BEGAIN: variants seen among roughly 807,000 people sequenced by gnomAD.
BEGAIN encodes brain-enriched guanylate kinase-associated protein.
BEGAIN carries 19 observed loss-of-function variants against 35.8 expected under a neutral mutation model. The ratio of observed to expected loss-of-function variants is 0.53; its 90% CI spans 0.37 to 0.78. The LOEUF is 0.78. Ranked by LOEUF, BEGAIN falls within the 30% of genes least tolerant of loss-of-function variation. The pLI is 0.00. For missense variants in BEGAIN, 795 were observed against 853.6 expected, an observed-to-expected ratio of 0.93 and a Z score of 0.85; for synonymous variants, 462 against 388.6, an observed-to-expected ratio of 1.19 and a Z score of -2.22.
chr14:100,540,226 A>G (rs2031384750), intron 6 of BEGAIN: 1 of 511,072 alleles, frequency 2.0e-6, no homozygotes, highest in Non-Finnish European at 3.5e-6. Flanking sequence ...GACCTGGAGC[A>G]GCCCCCCAAA....
chr14:100,546,878 C>T (rs2032593623), intron 2 of BEGAIN: 1 of 444,512 alleles, frequency 2.2e-6, no homozygotes, highest in Non-Finnish European at 4.0e-6. Flanking sequence ...GGGACTCTGA[C>T]CCTGAGCCAG....
chr14:100,561,193 C>T lies in BEGAIN; in HGVS notation c.71+6718G>A, dbSNP rs140674003. Among the ~76,000 whole-genome samples the T allele has an allele frequency of 4.3e-3, 656 of 152,284 alleles. 3 individuals are homozygous for T. Among genetic ancestry groups the T allele is most frequent in the African/African-American group, 0.015 (637 of 41,556 alleles). On this transcript the variant is annotated intron_variant, in intron 2 of 6. Coordinates refer to ENST00000554140, the MANE Select transcript of BEGAIN (RefSeq NM_001385089.1). ...GCCTAGGGTGCGGAAGAGCTGGCCC[C>T]GCCCCCAGCTCAGAGACCCTCAGAG...
In BEGAIN at chr14:100,540,606, G is replaced by A. The variant is rs537422046; in HGVS notation, c.409-27C>T. 1.3e-5 allele frequency: 20 copies of A among 1,553,736 alleles called. No homozygotes were observed. The African/African-American group carries it at 1.9e-4, about 15-fold the overall frequency. Reference sequence around the variant, plus strand: ...TAAAAGACAAGAGAAGGCGTTTGGCGCCATTCACCCCAGCCAAGGCCCCGC... The same window carrying A: ...TAAAAGACAAGAGAAGGCGTTTGGCACCATTCACCCCAGCCAAGGCCCCGC... On this transcript the variant is annotated intron_variant, in intron 5 of 6. Transcript: ENST00000554140.
rs143679844 is a variant in BEGAIN, at chr14:100,571,346, G to A, written c.43-3407C>T. Among the ~76,000 whole-genome samples, 430 of 152,250 alleles carry A rather than the reference G, an allele frequency of 2.8e-3. 3 individuals carry two copies. The highest frequency in any genetic ancestry group is 9.9e-3 in the African/African-American group (411 of 41,536). ...CCCTGCATGGGCTGAGGCCTGTGGA[G>A]CTCCCAGCTGCCTCCCTCCCACCTA... On this transcript the variant is annotated intron_variant, in intron 1 of 6. Coordinates refer to ENST00000554140, the MANE Select transcript of BEGAIN (RefSeq NM_001385089.1).
chr14:100,580,394 G>A (rs2035291078), intron 1 of BEGAIN, among the ~76,000 whole-genome samples: 3 of 152,272 alleles, frequency 2.0e-5, no homozygotes, highest in African/African-American at 7.2e-5. Context: ...GCAAGGCCCT[G>A]ACAATTGCTG....
chr14:100,562,047 G>A (rs1270726855), intron 2 of BEGAIN, among the ~76,000 whole-genome samples: 1 of 152,188 alleles, frequency 6.6e-6, no homozygotes, highest in East Asian at 1.9e-4. Context: ...ACCTTAGTGA[G>A]AATTAGTCCA....
intron 1 of BEGAIN, chr14:100,578,065 C>T: frequency 2.5e-6 from 1 of 398,020 alleles, no homozygotes; most frequent in Non-Finnish European, 4.4e-6. Context: ...CCCGTCCTCA[C>T]AGGCCAGGGC....
intron 1 of BEGAIN, among the ~76,000 whole-genome samples, chr14:100,571,389 T>C (rs11845605): frequency 0.56 from 85,500 of 151,978 alleles, 27,504 homozygotes; most frequent in African/African-American, 0.89. Flanking sequence ...CTTTTCTTAC[T>C]AGCGATGGGA....
chr14:100,542,278 G>A (rs2140470066), intron 5 of BEGAIN, among the ~76,000 whole-genome samples: 1 of 152,350 alleles, frequency 6.6e-6, no homozygotes, highest in Non-Finnish European at 1.5e-5. Flanking sequence ...TGGCAAGCCA[G>A]CCGGCCAGGG....
rs138155636 is a variant in BEGAIN, at chr14:100,579,062, T to C, written c.42+8187A>G. ...TTTTTGTAGACACAGAGTTTCACCA[T>C]GTTGGTCAGGCTAGTCTCGAACTCC... On this transcript the variant is annotated intron_variant, in intron 1 of 6. Coordinates refer to ENST00000554140, the MANE Select transcript of BEGAIN (RefSeq NM_001385089.1). 2.1e-3 allele frequency among the ~76,000 whole-genome samples: 326 copies of C among 152,308 alleles called. 7 individuals are homozygous for C. The East Asian group carries it at 0.027, about 13-fold the overall frequency.
chr14:100,544,509 C>A (rs2032097741), intron 4 of BEGAIN, among the ~76,000 whole-genome samples: 1 of 152,210 alleles, frequency 6.6e-6, no homozygotes, highest in Non-Finnish European at 1.5e-5. Flanking sequence ...AAACCCACAC[C>A]CTGCCCCTCT....
intron 2 of BEGAIN, among the ~76,000 whole-genome samples, chr14:100,554,732 C>A (rs78860894): frequency 0.035 from 5,341 of 152,238 alleles, 172 homozygotes; most frequent in South Asian, 0.084. Flanking sequence ...TAGTTCCCCC[C>A]AGATGGCTCA....
At chr14:100,543,234 C>T (rs916411373) in intron 5 of BEGAIN, among the ~76,000 whole-genome samples, 9 of 152,204 alleles carry the variant, frequency 5.9e-5, no homozygotes, top group African/African-American at 2.2e-4. Flanking sequence ...TAGCATTTCA[C>T]ACTTCTAACA....
At chr14:100,582,801 A>G (rs1028399699) in intron 1 of BEGAIN, among the ~76,000 whole-genome samples, 18 of 151,998 alleles carry the variant, frequency 1.2e-4, no homozygotes, top group African/African-American at 2.9e-4. Context: ...GAAAGGCCAA[A>G]TAGCTGTTAG....
chr14:100,561,120 C>T (rs1316283288), intron 2 of BEGAIN, among the ~76,000 whole-genome samples: 1 of 152,184 alleles, frequency 6.6e-6, no homozygotes, highest in Non-Finnish European at 1.5e-5. Context: ...TCTGAAACAC[C>T]CAGCCACTGC....
chr14:100,571,014 G>T (rs925372370), intron 1 of BEGAIN, among the ~76,000 whole-genome samples: 3 of 152,096 alleles, frequency 2.0e-5, no homozygotes, highest in African/African-American at 7.2e-5. Flanking sequence ...TGTGAAGTGA[G>T]GGGGCGGGAT....
chr14:100,537,860 T>G lies in BEGAIN; in HGVS notation c.*109A>C. The G allele has an allele frequency of 7.0e-7, 1 of 1,424,704 alleles. No individual in the cohort carries two copies. Among genetic ancestry groups the G allele is most frequent in the Non-Finnish European group, 9.2e-7 (1 of 1,083,694 alleles). The allele number at this position is 1,424,704 out of a possible 1,614,324, so 88.3% of individuals were successfully genotyped here. A position where few individuals can be genotyped will look rare whatever the true frequency, so the allele number is the denominator to read the frequency against. Reference sequence around the variant, plus strand: ...GTGCGGGGAGGAACAGACTCCTCGTTGTTGGCCGGGGCAGGGGAACAGCGG... The same window carrying G: ...GTGCGGGGAGGAACAGACTCCTCGTGGTTGGCCGGGGCAGGGGAACAGCGG... On this transcript the variant is annotated 3_prime_UTR_variant, in exon 7 of 7. Transcript: ENST00000554140.
rs1476708847 is a variant in BEGAIN, at chr14:100,546,635, C to G, written c.99G>C (p.Leu33=). The G allele has an allele frequency of 1.3e-6, 2 of 1,577,546 alleles. No individual in the cohort carries two copies. Among genetic ancestry groups the G allele is most frequent in the South Asian group, 1.1e-5 (1 of 87,496 alleles). The change falls in exon 3 of 7, where the codon CTG becomes CTC. Residue 33 remains leucine (L), a synonymous_variant. Transcript: ENST00000554140. ...GTGTGGTGTAGGACAGCCGCTTGCG[C>G]AGCTCGCCCTTCTGCTCCTGCAGCG... The part of the protein sequence containing the change: ...LSALQEQKGE[L]RKRLSYTTHK...
At position 100,538,481 on chromosome 14, in the gene BEGAIN, C is replaced by A; in HGVS notation, c.1327G>T (p.Glu443Ter). Reference sequence around the variant, plus strand: ...GGGTAGGAGTAGGCGCCGATGTCCTCCACGCTCAGGGGACGCCACTGGCCC... The same window carrying A: ...GGGTAGGAGTAGGCGCCGATGTCCTACACGCTCAGGGGACGCCACTGGCCC... ...MRGQWRPLSV[E>*]DIGAYSYPVS... The change falls in exon 7 of 7, where the codon GAG becomes TAG. Residue 443 changes from glutamate (E) to a stop codon, truncating the protein, a stop_gained. Coordinates refer to ENST00000554140, the MANE Select transcript of BEGAIN (RefSeq NM_001385089.1). LOFTEE classifies it high-confidence loss of function. 1 of 1,563,336 alleles carries A rather than the reference C, an allele frequency of 6.4e-7. No homozygotes were observed.
Sources: allele counts gnomAD v4.1 joint callset (sites outside exome capture counted in the v4.1 genomes callset), GRCh38; gene constraint gnomAD v4.1.1; transcripts MANE v1.5; gene names NCBI Gene and HGNC (gene_info 2026-07-23, HGNC 2026-07-21).